STPG2: variants seen among roughly 807,000 people sequenced by gnomAD.
STPG2 encodes sperm tail PG-rich repeat containing 2, also known as sperm-tail PG-rich repeat-containing protein 2.
Under a neutral mutation model 54.2 loss-of-function variants are expected in STPG2, and 56 were observed. That is an observed-to-expected ratio of 1.03 (90% confidence interval 0.83 to 1.29). The LOEUF is 1.29. STPG2 is among the 50% of genes most tolerant of loss of function. The pLI, the probability that STPG2 is intolerant of heterozygous loss-of-function variation, is 0.00. For synonymous variants in STPG2, 200 were observed against 181.8 expected (o/e 1.10, Z -0.81); for missense variants, 596 against 544.9 (o/e 1.09, Z -0.93).
intron 4 of STPG2, among the ~76,000 whole-genome samples, chr4:97,473,689 C>G (rs1730001002): frequency 6.6e-6 from 1 of 152,158 alleles, no homozygotes; most frequent in Non-Finnish European, 1.5e-5. Flanking sequence ...TTCAAACACT[C>G]CCTCCCCTTT....
chr4:97,460,816 T>C (rs1729644278), intron 4 of STPG2, among the ~76,000 whole-genome samples: 1 of 152,214 alleles, frequency 6.6e-6, no homozygotes, highest in South Asian at 2.1e-4. Context: ...CTTCTAACAC[T>C]ATTATTAGAT....
chr4:98,100,957 T>C (rs1739015278), intron 5 of STPG2, among the ~76,000 whole-genome samples: 1 of 152,178 alleles, frequency 6.6e-6, no homozygotes, highest in South Asian at 2.1e-4. Context: ...ATTACAGTCG[T>C]GAGCCACTGC....
intron 7 of STPG2, among the ~76,000 whole-genome samples, chr4:97,945,146 G>A (rs1391101167): frequency 2.0e-5 from 3 of 151,854 alleles, no homozygotes; most frequent in Non-Finnish European, 4.4e-5. Context: ...AGATTTTAGT[G>A]CACCCATCAC....
intron 5 of STPG2, among the ~76,000 whole-genome samples, chr4:98,033,631 C>T (rs1314783555): frequency 3.9e-5 from 6 of 152,120 alleles, no homozygotes; most frequent in Admixed American, 2.0e-4. Context: ...CATACCAAAA[C>T]CTGGCAGAGA....
intron 7 of STPG2, among the ~76,000 whole-genome samples, chr4:97,954,771 C>T (rs368869074): frequency 6.6e-6 from 1 of 152,064 alleles, no homozygotes; most frequent in Non-Finnish European, 1.5e-5. Flanking sequence ...TAGAAAATAA[C>T]ATCATTTAGA....
At chr4:98,088,653 T>C (rs1738597030) in intron 5 of STPG2, among the ~76,000 whole-genome samples, 1 of 133,058 alleles carries the variant, frequency 7.5e-6, no homozygotes, top group Non-Finnish European at 1.6e-5. Flanking sequence ...GTAAGGACTA[T>C]AAAATCTCTC....
intron 4 of STPG2, among the ~76,000 whole-genome samples, chr4:97,480,018 C>G (rs2148820223): frequency 6.6e-6 from 1 of 151,776 alleles, no homozygotes; most frequent in African/African-American, 2.4e-5. Context: ...ATATACTTAG[C>G]AAGTTAAATG....
chr4:97,510,627 T>C (rs1440579689), intron 4 of STPG2, among the ~76,000 whole-genome samples: 1 of 152,050 alleles, frequency 6.6e-6, no homozygotes, highest in Non-Finnish European at 1.5e-5. Context: ...GTGGGAGAGA[T>C]GGTTTCAGGA....
intron 10 of STPG2, among the ~76,000 whole-genome samples, chr4:97,642,599 A>G (rs1439894908): frequency 6.6e-6 from 1 of 151,496 alleles, no homozygotes; most frequent in Non-Finnish European, 1.5e-5. Flanking sequence ...AAATCAAAGC[A>G]GCATATAACT....
At chr4:97,795,958 G>C (rs1233806190) in intron 9 of STPG2, among the ~76,000 whole-genome samples, 1 of 152,160 alleles carries the variant, frequency 6.6e-6, no homozygotes, top group Non-Finnish European at 1.5e-5. Context: ...CAGTGATGAT[G>C]AGCATTTTTT....
At chr4:97,450,636 C>A (rs1465119808) in intron 4 of STPG2, among the ~76,000 whole-genome samples, 1 of 152,092 alleles carries the variant, frequency 6.6e-6, no homozygotes, top group Non-Finnish European at 1.5e-5. Context: ...GATCCTGTAG[C>A]ATGTTTTAGT....
At chr4:97,944,607 A>G (rs1339854295) in intron 7 of STPG2, among the ~76,000 whole-genome samples, 1 of 152,164 alleles carries the variant, frequency 6.6e-6, no homozygotes, top group African/African-American at 2.4e-5. Flanking sequence ...TAGAATAAAC[A>G]GCAGCAACAT....
chr4:97,643,724 C>T (rs1721828475), intron 10 of STPG2, among the ~76,000 whole-genome samples: 1 of 151,714 alleles, frequency 6.6e-6, no homozygotes, highest in African/African-American at 2.4e-5. Flanking sequence ...ACATATCTAG[C>T]AGTGATTGAA....
intron 9 of STPG2, among the ~76,000 whole-genome samples, chr4:97,795,956 A>G (rs971837898): frequency 1.3e-5 from 2 of 152,112 alleles, no homozygotes; most frequent in Non-Finnish European, 2.9e-5. Context: ...GCCAGTGATG[A>G]TGAGCATTTT....
intron 10 of STPG2, among the ~76,000 whole-genome samples, chr4:97,674,457 C>T (rs1000680421): frequency 6.6e-6 from 1 of 152,094 alleles, no homozygotes; most frequent in African/African-American, 2.4e-5. Context: ...ATCCAAAGTG[C>T]TAAAGCAATG....
chr4:97,547,716 A>G (rs1560654329), intron 4 of STPG2, among the ~76,000 whole-genome samples: 1 of 152,178 alleles, frequency 6.6e-6, no homozygotes, highest in Non-Finnish European at 1.5e-5. Flanking sequence ...AGAAATGTTT[A>G]CTAGGTGGAT....
At chr4:98,042,038 T>C (rs1335770038) in intron 5 of STPG2, among the ~76,000 whole-genome samples, 1 of 152,042 alleles carries the variant, frequency 6.6e-6, no homozygotes, top group East Asian at 1.9e-4. Context: ...TTAGAATTTC[T>C]GTTTCTTCGT....
chr4:97,949,915 CAT>C (rs1315966325), intron 7 of STPG2, among the ~76,000 whole-genome samples: 4 of 152,050 alleles, frequency 2.6e-5, no homozygotes, highest in African/African-American at 9.7e-5. Context: ...ATGAATCTCA[CAT>C]GAGTTCTTTG....
At chr4:97,836,394 T>A (rs1483495682) in intron 9 of STPG2, among the ~76,000 whole-genome samples, 2 of 152,012 alleles carry the variant, frequency 1.3e-5, no homozygotes, top group Non-Finnish European at 2.9e-5. Context: ...TCAGTATTTT[T>A]AATTAAGCCA....
Sources: gnomAD v4.1 joint callset for allele counts (sites outside exome capture counted in the v4.1 genomes callset) on GRCh38, gnomAD v4.1.1 for gene constraint, MANE v1.5 for transcripts, NCBI Gene and HGNC (gene_info 2026-07-23, HGNC 2026-07-21) for gene names.